Variants in PDGFD observed in about 807,000 individuals in gnomAD.
PDGFD encodes platelet-derived growth factor D.
Under a neutral mutation model 44.7 loss-of-function variants are expected in PDGFD, and 30 were observed. The observed-to-expected ratio is 0.67, with a 90% CI of 0.50 to 0.91. The LOEUF is 0.91. Among genes scored for constraint, PDGFD ranks in the 40% least tolerant of loss-of-function variants. The probability of loss-of-function intolerance (pLI) is 0.00; values close to 1 mark genes in which losing one functional copy is unlikely to be tolerated. For synonymous variants in PDGFD, 173 were observed against 168.4 expected (o/e 1.03, Z -0.21); for missense variants, 445 against 457.8 (o/e 0.97, Z 0.25).
chr11:104,092,180 T>C (rs1252040858), intron 1 of PDGFD, among the ~76,000 whole-genome samples: 1 of 152,164 alleles, frequency 6.6e-6, no homozygotes, highest in Non-Finnish European at 1.5e-5. Flanking sequence ...TGTGGATATC[T>C]GACTCCAAAG....
At chr11:103,948,415 G>C (rs1858693657) in intron 3 of PDGFD, among the ~76,000 whole-genome samples, 1 of 152,170 alleles carries the variant, frequency 6.6e-6, no homozygotes, top group African/African-American at 2.4e-5. Flanking sequence ...ATGTGTGATA[G>C]CAATAGATCA....
chr11:104,065,584 A>T (rs891248582), intron 1 of PDGFD, among the ~76,000 whole-genome samples: 8 of 152,194 alleles, frequency 5.3e-5, no homozygotes, highest in African/African-American at 1.7e-4. Flanking sequence ...ATTGGCTTTT[A>T]AAAAACTGTC....
intron 1 of PDGFD, among the ~76,000 whole-genome samples, chr11:104,135,073 G>A (rs1861983201): frequency 6.6e-6 from 1 of 152,130 alleles, no homozygotes; most frequent in South Asian, 2.1e-4. Context: ...GAATAACCAT[G>A]GGTGGAAGGC....
At chr11:103,957,081 T>G (rs1219201824) in intron 3 of PDGFD, among the ~76,000 whole-genome samples, 7 of 152,170 alleles carry the variant, frequency 4.6e-5, no homozygotes, top group Non-Finnish European at 7.4e-5. Context: ...CATTTGTCAA[T>G]TTTGGCTTTT....
chr11:104,130,524 T>A (rs949428783), intron 1 of PDGFD, among the ~76,000 whole-genome samples: 1 of 152,164 alleles, frequency 6.6e-6, no homozygotes, highest in Non-Finnish European at 1.5e-5. Flanking sequence ...CTGAGCAACA[T>A]AAATTAATGC....
intron 1 of PDGFD, among the ~76,000 whole-genome samples, chr11:104,150,248 A>G (rs182290103): frequency 1.3e-5 from 2 of 152,326 alleles, no homozygotes; most frequent in East Asian, 3.9e-4. Context: ...ATCATCCTCA[A>G]TTTAATCTTA....
At chr11:103,934,797 G>C (rs1185862667) in intron 5 of PDGFD, among the ~76,000 whole-genome samples, 1 of 152,162 alleles carries the variant, frequency 6.6e-6, no homozygotes, top group African/African-American at 2.4e-5. Flanking sequence ...CCCTTGACAT[G>C]TGGGGATTAT....
At chr11:103,980,865 C>T (rs260834) in intron 3 of PDGFD, among the ~76,000 whole-genome samples, 71,254 of 151,664 alleles carry the variant, frequency 0.47, 16,900 homozygotes, top group South Asian at 0.61. Flanking sequence ...TCACCAAAAC[C>T]CTACCATGCT....
intron 3 of PDGFD, among the ~76,000 whole-genome samples, chr11:103,980,127 A>G (rs748116364): frequency 2.1e-4 from 32 of 152,182 alleles, no homozygotes; most frequent in Non-Finnish European, 4.1e-4. Flanking sequence ...TTTATCTGTT[A>G]CAGAGATAGT....
intron 3 of PDGFD, among the ~76,000 whole-genome samples, chr11:103,995,434 C>T (rs951209808): frequency 9.2e-5 from 14 of 152,178 alleles, no homozygotes; most frequent in African/African-American, 3.1e-4. Flanking sequence ...CATTTTCTAT[C>T]AGTCAGAACC....
intron 2 of PDGFD, among the ~76,000 whole-genome samples, chr11:103,997,851 T>C (rs1036252011): frequency 6.6e-6 from 1 of 152,156 alleles, no homozygotes; most frequent in Non-Finnish European, 1.5e-5. Flanking sequence ...TTTTATCTCT[T>C]AGGGAGGGTT....
chr11:103,992,025 T>G (rs1859462026), intron 3 of PDGFD, among the ~76,000 whole-genome samples: 1 of 152,220 alleles, frequency 6.6e-6, no homozygotes, highest in Non-Finnish European at 1.5e-5. Flanking sequence ...ACCATTCATT[T>G]GTTCTCCAGC....
intron 1 of PDGFD, among the ~76,000 whole-genome samples, chr11:104,122,843 T>C (rs1292790413): frequency 1.3e-5 from 2 of 151,972 alleles, no homozygotes; most frequent in East Asian, 3.9e-4. Context: ...CTGATGACTC[T>C]CTATGTATAA....
intron 1 of PDGFD, among the ~76,000 whole-genome samples, chr11:104,094,646 T>C (rs891058656): frequency 2.0e-5 from 3 of 152,130 alleles, no homozygotes; most frequent in East Asian, 1.9e-4. Flanking sequence ...ATTCATTCTG[T>C]TATCTATAAC....
At chr11:104,057,273 T>G (rs1236953328) in intron 1 of PDGFD, among the ~76,000 whole-genome samples, 1 of 152,162 alleles carries the variant, frequency 6.6e-6, no homozygotes, top group Non-Finnish European at 1.5e-5. Context: ...TGCTATAATG[T>G]CAATCTCCCA....
Position 103,943,667 on chromosome 11 carries a change from G to A in PDGFD, c.574-17C>T. On this transcript the variant is annotated splice_polypyrimidine_tract_variant and intron_variant, in intron 4 of 6. Coordinates refer to ENST00000393158, the MANE Select transcript of PDGFD (RefSeq NM_025208.5). Reference sequence around the variant, plus strand: ...GGATACCCCCTAAGAGTGACATACAGCTCAGTGTACTCAGAATAAGTCCAT... The same window carrying A: ...GGATACCCCCTAAGAGTGACATACAACTCAGTGTACTCAGAATAAGTCCAT... The A allele has an allele frequency of 6.2e-7, 1 of 1,600,198 alleles. No homozygotes were observed. Among genetic ancestry groups the A allele is most frequent in the South Asian group, 1.1e-5 (1 of 89,952 alleles).
intron 1 of PDGFD, among the ~76,000 whole-genome samples, chr11:104,077,207 G>T (rs1028431329): frequency 1.3e-5 from 2 of 152,126 alleles, no homozygotes; most frequent in African/African-American, 4.8e-5. Flanking sequence ...AAAGACAAGG[G>T]TAGATCTCAA....
chr11:104,012,170 T>C (rs1476719188), intron 1 of PDGFD, among the ~76,000 whole-genome samples: 1 of 152,148 alleles, frequency 6.6e-6, no homozygotes, highest in Non-Finnish European at 1.5e-5. Flanking sequence ...AATGATACAA[T>C]TAATGAAAAT....
intron 1 of PDGFD, among the ~76,000 whole-genome samples, chr11:104,136,700 CAATAGTA>C (rs1249072050): frequency 6.6e-6 from 1 of 152,054 alleles, no homozygotes; most frequent in African/African-American, 2.4e-5. Flanking sequence ...TACACCTTTC[CAATAGTA>C]AATAACATGG....
Sources: gnomAD v4.1 joint callset for allele counts (sites outside exome capture counted in the v4.1 genomes callset) on GRCh38, gnomAD v4.1.1 for gene constraint, MANE v1.5 for transcripts, NCBI Gene and HGNC (gene_info 2026-07-23, HGNC 2026-07-21) for gene names.